NRG3: variants seen among roughly 807,000 people sequenced by gnomAD.
NRG3 encodes pro-neuregulin-3, membrane-bound isoform.
NRG3 carries 31 observed loss-of-function variants against 66.9 expected under a neutral mutation model. The observed-to-expected ratio is 0.46, with a 90% confidence interval of 0.35 to 0.63. The LOEUF is 0.63. Among genes scored for constraint, NRG3 ranks in the 20% least tolerant of loss-of-function variants. NRG3 has a pLI of 0.00. For missense variants in NRG3, 910 were observed against 878.9 expected (o/e 1.04, Z -0.45); for synonymous variants, 393 against 359.4 (o/e 1.09, Z -1.06).
chr10:82,296,265 C>T (rs962189723), intron 1 of NRG3, among the ~76,000 whole-genome samples: 1 of 152,118 alleles, frequency 6.6e-6, no homozygotes, highest in Non-Finnish European at 1.5e-5. Flanking sequence ...AAACTCGTCC[C>T]AAAGGCAATG....
intron 1 of NRG3, among the ~76,000 whole-genome samples, chr10:82,012,751 C>A (rs187058739): frequency 1.1e-3 from 168 of 152,254 alleles, no homozygotes; most frequent in African/African-American, 3.9e-3. Flanking sequence ...AGGGCAGGGG[C>A]AAAATGTGAC....
chr10:82,512,187 A>C (rs1286434425), intron 2 of NRG3, among the ~76,000 whole-genome samples: 1 of 151,726 alleles, frequency 6.6e-6, no homozygotes, highest in Non-Finnish European at 1.5e-5. Context: ...AAACTTTCAA[A>C]TATGTGTAAA....
chr10:82,135,827 G>C (rs1417098395), intron 1 of NRG3, among the ~76,000 whole-genome samples: 2 of 151,974 alleles, frequency 1.3e-5, no homozygotes, highest in Non-Finnish European at 2.9e-5. Context: ...TGTCACTCTG[G>C]GATTGGCCAC....
At chr10:82,786,299 G>A (rs1228735224) in intron 3 of NRG3, among the ~76,000 whole-genome samples, 3 of 152,196 alleles carry the variant, frequency 2.0e-5, no homozygotes, top group African/African-American at 7.2e-5. Context: ...TCATGAGGAT[G>A]TGGGGTCCCA....
chr10:82,077,565 C>G (rs922345637), intron 1 of NRG3, among the ~76,000 whole-genome samples: 4 of 152,136 alleles, frequency 2.6e-5, no homozygotes, highest in African/African-American at 9.7e-5. Flanking sequence ...TTGGCTTATA[C>G]TTTCTGGAAG....
chr10:82,331,446 A>C (rs901677122), intron 1 of NRG3, among the ~76,000 whole-genome samples: 2 of 152,106 alleles, frequency 1.3e-5, no homozygotes, highest in Non-Finnish European at 2.9e-5. Flanking sequence ...GTATTTCCTA[A>C]ACTGTGCTTC....
At chr10:82,327,824 C>G (rs1282076244) in intron 1 of NRG3, among the ~76,000 whole-genome samples, 2 of 152,180 alleles carry the variant, frequency 1.3e-5, no homozygotes, top group Admixed American at 1.3e-4. Flanking sequence ...AGTCCGAGAT[C>G]AAGGTTTGGC....
At chr10:82,824,015 CATT>C (rs1447582905) in intron 3 of NRG3, among the ~76,000 whole-genome samples, 2 of 152,134 alleles carry the variant, frequency 1.3e-5, no homozygotes, top group Non-Finnish European at 2.9e-5. Context: ...AATCCATACT[CATT>C]AGTAGTTGCC....
intron 1 of NRG3, among the ~76,000 whole-genome samples, chr10:82,061,771 T>C (rs1232748549): frequency 6.6e-6 from 1 of 151,968 alleles, no homozygotes; most frequent in African/African-American, 2.4e-5. Flanking sequence ...AACTGCTCTC[T>C]TCCCTCCTTC....
chr10:82,784,008 A>G (rs1344345834), intron 3 of NRG3, among the ~76,000 whole-genome samples: 20 of 151,894 alleles, frequency 1.3e-4, no homozygotes, highest in African/African-American at 4.9e-4. Context: ...ACCAAAACAG[A>G]GATATAGATC....
At chr10:82,136,398 G>A (rs1278957210) in intron 1 of NRG3, among the ~76,000 whole-genome samples, 8 of 151,702 alleles carry the variant, frequency 5.3e-5, no homozygotes, top group Non-Finnish European at 7.4e-5. Context: ...CCAGCCAGGC[G>A]TGTGTCCTTC....
intron 1 of NRG3, among the ~76,000 whole-genome samples, chr10:81,921,255 T>C (rs1249027746): frequency 6.6e-6 from 1 of 152,090 alleles, no homozygotes; most frequent in African/African-American, 2.4e-5. Context: ...TTATAATTGC[T>C]AATTGTATTA....
chr10:81,915,505 T>TTTTTTTTTTTTTTTTGTTTTTTTC (rs1564654214), intron 1 of NRG3, among the ~76,000 whole-genome samples: 1 of 151,376 alleles, frequency 6.6e-6, no homozygotes, highest in African/African-American at 2.4e-5. Context: ...AGTTTTTTTT[T>TTTTTTTTTTTTTTTTGTTTTTTTC]TTTTTGCCAA....
chr10:82,782,600 G>A (rs1249561743), intron 3 of NRG3, among the ~76,000 whole-genome samples: 1 of 152,078 alleles, frequency 6.6e-6, no homozygotes, highest in East Asian at 1.9e-4. Context: ...TTGGAGTTGG[G>A]TAATGGCTAC....
intron 3 of NRG3, among the ~76,000 whole-genome samples, chr10:82,817,247 A>G (rs1433821329): frequency 6.6e-6 from 1 of 152,192 alleles, no homozygotes; most frequent in African/African-American, 2.4e-5. Flanking sequence ...CAGGACCTCA[A>G]TGAATCTCTC....
chr10:81,877,338 C>T (rs1841760997), intron 1 of NRG3, among the ~76,000 whole-genome samples: 1 of 152,000 alleles, frequency 6.6e-6, no homozygotes, highest in African/African-American at 2.4e-5. Context: ...TAGGACAAAC[C>T]CCAGGCTGCT....
At chr10:82,577,802 A>G (rs748807197) in intron 2 of NRG3, among the ~76,000 whole-genome samples, 27 of 151,908 alleles carry the variant, frequency 1.8e-4, no homozygotes, top group South Asian at 4.1e-4. Flanking sequence ...CCCTCATAAC[A>G]GTTTTGACCT....
At chr10:82,041,818 C>CTCTT (rs1343625614) in intron 1 of NRG3, among the ~76,000 whole-genome samples, 5 of 86,524 alleles carry the variant, frequency 5.8e-5, no homozygotes, top group African/African-American at 1.5e-4. Flanking sequence ...TGATCTCTCT[C>CTCTT]TCTCTCTCTC....
intron 1 of NRG3, among the ~76,000 whole-genome samples, chr10:82,266,331 G>A (rs2134257558): frequency 6.6e-6 from 1 of 152,224 alleles, no homozygotes; most frequent in Non-Finnish European, 1.5e-5. Flanking sequence ...AAGCGGAGTT[G>A]GAGAATGCGG....
Sources: gnomAD v4.1 joint callset for allele counts (sites outside exome capture counted in the v4.1 genomes callset) on GRCh38, gnomAD v4.1.1 for gene constraint, MANE v1.5 for transcripts, NCBI Gene and HGNC (gene_info 2026-07-23, HGNC 2026-07-21) for gene names.